The following CFAP61 variants were observed in gnomAD, a reference collection of about 807,000 sequenced individuals.
CFAP61 encodes the protein cilia- and flagella-associated protein 61.
CFAP61 carries 107 observed loss-of-function variants against 135.6 expected under a neutral mutation model. That is an observed-to-expected ratio of 0.79 (90% CI 0.67 to 0.93). The LOEUF is 0.93. CFAP61 is among the 40% of genes least tolerant of loss of function. CFAP61 has a pLI of 0.00. For missense variants in CFAP61, 1,507 were observed against 1,556.2 expected (o/e 0.97, Z 0.53); for synonymous variants, 575 against 578.5 (o/e 0.99, Z 0.09).
intron 6 of CFAP61, among the ~76,000 whole-genome samples, chr20:20,087,041 CATT>C (rs1270910494): frequency 6.6e-6 from 1 of 152,116 alleles, no homozygotes; most frequent in Non-Finnish European, 1.5e-5. Context: ...CAACTTGTAT[CATT>C]ATTGGTGACT....
At chr20:20,190,971 T>C (rs990257390) in intron 14 of CFAP61, among the ~76,000 whole-genome samples, 1 of 151,826 alleles carries the variant, frequency 6.6e-6, no homozygotes, top group Non-Finnish European at 1.5e-5. Flanking sequence ...ATACAAAAAT[T>C]AGCTGAGCAT....
At chr20:20,295,437 C>G (rs2055349085) in intron 24 of CFAP61, among the ~76,000 whole-genome samples, 1 of 152,146 alleles carries the variant, frequency 6.6e-6, no homozygotes, top group Non-Finnish European at 1.5e-5. Flanking sequence ...CTCTCCCAGA[C>G]AGCAGCCTTA....
In CFAP61 at chr20:20,166,757, T is replaced by G. The variant is rs184693763; in HGVS notation, c.1245+321T>G. 1.3e-3 allele frequency among the ~76,000 whole-genome samples: 202 copies of G among 152,346 alleles called. 2 individuals carry two copies. Among genetic ancestry groups the G allele is most frequent in the Non-Finnish European group, 2.1e-3 (142 of 68,024 alleles). ...TGAATGACACTGTTATTTTATAGAT[T>G]ATGTTGGCTCCAAGTATTCTGAAAC... On this transcript the variant is annotated intron_variant, in intron 12 of 26. Coordinates refer to ENST00000245957, the MANE Select transcript of CFAP61 (RefSeq NM_015585.4).
chr20:20,177,280 T>C lies in CFAP61; in HGVS notation c.1385+7820T>C, dbSNP rs1179263945. Among the ~76,000 whole-genome samples the C allele has an allele frequency of 2.6e-5, 4 of 151,930 alleles. No homozygotes were observed. In the East Asian group the frequency reaches 7.7e-4, roughly 29 times the overall value. On this transcript the variant is annotated intron_variant, in intron 13 of 26. Coordinates refer to ENST00000245957, the MANE Select transcript of CFAP61 (RefSeq NM_015585.4). ...AAACCATTTTTTGCATTTCAAAATT[T>C]AGGTTAACGATGAGAATGCTTTCAT...
chr20:20,064,865 G>A (rs1392511405), intron 2 of CFAP61, among the ~76,000 whole-genome samples: 1 of 152,138 alleles, frequency 6.6e-6, no homozygotes, highest in Non-Finnish European at 1.5e-5. Flanking sequence ...ATTTGTGTGG[G>A]AAAGCAAAGG....
intron 13 of CFAP61, among the ~76,000 whole-genome samples, chr20:20,177,918 A>G (rs993679145): frequency 2.0e-5 from 3 of 151,836 alleles, no homozygotes; most frequent in Non-Finnish European, 2.9e-5. Context: ...CTCCACACCT[A>G]CTCTTTAAAA....
At chr20:20,154,360 A>G (rs772840731) in intron 9 of CFAP61, among the ~76,000 whole-genome samples, 5 of 152,158 alleles carry the variant, frequency 3.3e-5, no homozygotes, top group African/African-American at 9.6e-5. Flanking sequence ...AGCCAGAGCA[A>G]TTAGACAAAA....
At chr20:20,270,792 C>T (rs2053281270) in intron 21 of CFAP61, among the ~76,000 whole-genome samples, 1 of 151,988 alleles carries the variant, frequency 6.6e-6, no homozygotes, top group Admixed American at 6.6e-5. Context: ...ACCTCAGCCT[C>T]CCGAGTAGCT....
intron 18 of CFAP61, among the ~76,000 whole-genome samples, chr20:20,241,213 G>A (rs1160126449): frequency 1.3e-5 from 2 of 152,100 alleles, no homozygotes; most frequent in Non-Finnish European, 2.9e-5. Context: ...AAAATGCCTG[G>A]TGACCAGTCC....
chr20:20,196,566 G>T lies in CFAP61; in HGVS notation c.1591-4G>T, dbSNP rs140707912. 14 of 1,606,006 alleles carry T rather than the reference G, an allele frequency of 8.7e-6. No individual in the cohort carries two copies. The highest frequency in any genetic ancestry group is 1.2e-5 in the Non-Finnish European group (14 of 1,172,686). Reference sequence around the variant, plus strand: ...AGAAACCATCCCTTCTGTCTCTTCTGTAGGACATTGAGTACATACGGTCCC... The same window carrying T: ...AGAAACCATCCCTTCTGTCTCTTCTTTAGGACATTGAGTACATACGGTCCC... On this transcript the variant is annotated splice_region_variant and splice_polypyrimidine_tract_variant and intron_variant, in intron 15 of 26. Transcript: ENST00000245957.
intron 19 of CFAP61, among the ~76,000 whole-genome samples, chr20:20,251,083 G>C (rs55736492): frequency 0.089 from 13,483 of 152,238 alleles, 738 homozygotes; most frequent in Middle Eastern, 0.15. Context: ...TTGGCAGGAA[G>C]CCATACGCTA....
intron 17 of CFAP61, among the ~76,000 whole-genome samples, chr20:20,203,280 T>C (rs59181898): frequency 0.064 from 9,750 of 152,176 alleles, 1,203 homozygotes; most frequent in East Asian, 0.56. Flanking sequence ...AATGCATGGG[T>C]AAGAGAGAGG....
At chr20:20,132,837 C>T (rs1191735969) in intron 8 of CFAP61, among the ~76,000 whole-genome samples, 1 of 151,906 alleles carries the variant, frequency 6.6e-6, no homozygotes. Flanking sequence ...ACTTACATGC[C>T]ATATTTTTTT....
intron 25 of CFAP61, among the ~76,000 whole-genome samples, chr20:20,301,544 T>C (rs985398948): frequency 6.6e-6 from 1 of 152,230 alleles, no homozygotes; most frequent in African/African-American, 2.4e-5. Context: ...CTTGGTACTG[T>C]TAGACTTTTA....
chr20:20,161,932 A>G (rs1183021767), intron 10 of CFAP61, among the ~76,000 whole-genome samples: 1 of 152,094 alleles, frequency 6.6e-6, no homozygotes, highest in East Asian at 1.9e-4. Context: ...GCTGTTACAC[A>G]TTACCCCAAA....
At position 20,348,640 on chromosome 20, in the gene CFAP61, A is replaced by C. The variant is rs374219286; in HGVS notation, c.3513+6719A>C. Reference sequence around the variant, plus strand: ...AGGAGGTAGAGGTTGCAGTGAGCCAAGATTGTGCCACTGCACTACAGCCTG... The same window carrying C: ...AGGAGGTAGAGGTTGCAGTGAGCCACGATTGTGCCACTGCACTACAGCCTG... On this transcript the variant is annotated intron_variant, in intron 26 of 26. Transcript: ENST00000245957. Among the ~76,000 whole-genome samples the C allele has an allele frequency of 6.9e-5, 10 of 144,020 alleles. 1 individual carries two copies. Among genetic ancestry groups the C allele is most frequent in the East Asian group, 4.6e-4 (2 of 4,390 alleles). 94.5% of individuals were successfully genotyped at this position (144,020 alleles called of 152,430 possible).
Position 20,359,004 on chromosome 20 carries a change from C to G in CFAP61, c.3514-1206C>G, listed in dbSNP as rs1322132658. On this transcript the variant is annotated intron_variant, in intron 26 of 26. Coordinates refer to ENST00000245957, the MANE Select transcript of CFAP61 (RefSeq NM_015585.4). This position sits in a 1 kb window ranked among gnomAD's most constrained non-coding sequence, Gnocchi z 4.0. The stretch of plus-strand genomic sequence containing the variant: ...ATGTGCTTTCTAGAAGTACCCTGCT[C>G]TGGAGGGCAGATATGCAGTGGTGAA... Among the ~76,000 whole-genome samples the G allele has an allele frequency of 1.3e-5, 2 of 152,192 alleles. No homozygotes were observed. The highest frequency in any genetic ancestry group is 2.4e-5 in the African/African-American group (1 of 41,446).
chr20:20,153,495 A>G (rs1198949798), intron 9 of CFAP61, among the ~76,000 whole-genome samples: 2 of 152,182 alleles, frequency 1.3e-5, no homozygotes, highest in African/African-American at 4.8e-5. Context: ...AAAAGAAGAG[A>G]GAAGATCCAA....
chr20:20,319,448 T>G (rs777578329), intron 25 of CFAP61, among the ~76,000 whole-genome samples: 20 of 152,192 alleles, frequency 1.3e-4, no homozygotes, highest in Non-Finnish European at 4.4e-5. Flanking sequence ...TGGGAGGTGA[T>G]TGTTTCATGG....
Sources: gnomAD v4.1 joint callset for allele counts (sites outside exome capture counted in the v4.1 genomes callset) on GRCh38, gnomAD v4.1.1 for gene constraint, Gnocchi (gnomAD v3.1) non-coding constraint, MANE v1.5 for transcripts, NCBI Gene and HGNC (gene_info 2026-07-23, HGNC 2026-07-21) for gene names.